The following SLC44A5 variants were observed in gnomAD, a reference collection of about 807,000 sequenced individuals.
SLC44A5 encodes solute carrier family 44 member 5, also known as choline transporter-like protein 5.
Under a neutral mutation model 101.8 loss-of-function variants are expected in SLC44A5, and 57 were observed. The observed-to-expected ratio is 0.56, with a 90% CI of 0.45 to 0.70. SLC44A5 has a LOEUF of 0.70. SLC44A5 is among the 30% of genes least tolerant of loss of function. The pLI, the probability that SLC44A5 is intolerant of heterozygous loss-of-function variation, is 0.00. For missense variants in SLC44A5, 737 were observed against 853.1 expected, an observed-to-expected ratio of 0.86 and a Z score of 1.70; for synonymous variants, 281 against 290.9, an observed-to-expected ratio of 0.97 and a Z score of 0.35.
chr1:75,312,655 A>G (rs146718420), intron 4 of SLC44A5, among the ~76,000 whole-genome samples: 48 of 150,542 alleles, frequency 3.2e-4, no homozygotes, highest in Admixed American at 2.9e-3. Context: ...TTTCTATTCT[A>G]TTATATATTA....
At position 75,343,046 on chromosome 1, in the gene SLC44A5, G is replaced by A. The variant is rs114523151; in HGVS notation, c.53-3416C>T. On this transcript the variant is annotated intron_variant, in intron 3 of 23. Coordinates refer to ENST00000370859, the MANE Select transcript of SLC44A5 (RefSeq NM_001130058.2). ...AGGGGCCCTCACGTACTCTAATTGCGTCTCTGGAATAAATAGACTGAAGGG... is the reference window on the plus strand; with the variant it reads ...AGGGGCCCTCACGTACTCTAATTGCATCTCTGGAATAAATAGACTGAAGGG... Among the ~76,000 whole-genome samples, 282 of 152,112 alleles carry A rather than the reference G, an allele frequency of 1.9e-3. 1 individual carries two copies. Among genetic ancestry groups the A allele is most frequent in the African/African-American group, 6.6e-3 (274 of 41,464 alleles).
At chr1:75,483,948 A>C (rs998487898) in intron 2 of SLC44A5, among the ~76,000 whole-genome samples, 6 of 152,120 alleles carry the variant, frequency 3.9e-5, no homozygotes, top group Admixed American at 2.6e-4. Flanking sequence ...ATCAGCTCTC[A>C]TGAGAACTCA....
intron 6 of SLC44A5, among the ~76,000 whole-genome samples, chr1:75,274,579 A>G (rs1651764472): frequency 6.6e-6 from 1 of 152,162 alleles, no homozygotes; most frequent in African/African-American, 2.4e-5. Flanking sequence ...ACACTGTGAC[A>G]AAAATAATCT....
At chr1:75,330,064 C>T (rs745793765) in intron 4 of SLC44A5, among the ~76,000 whole-genome samples, 6 of 150,808 alleles carry the variant, frequency 4.0e-5, no homozygotes, top group South Asian at 2.1e-4. Flanking sequence ...GTCTTTCCTA[C>T]GCTAGAATAA....
intron 3 of SLC44A5, among the ~76,000 whole-genome samples, chr1:75,391,251 T>C (rs928345126): frequency 2.6e-5 from 4 of 152,282 alleles, no homozygotes; most frequent in Admixed American, 2.6e-4. Flanking sequence ...ATTGGAAGAA[T>C]CAATATTGTT....
At chr1:75,206,969 T>C (rs1646760223) in intron 23 of SLC44A5, among the ~76,000 whole-genome samples, 1 of 152,174 alleles carries the variant, frequency 6.6e-6, no homozygotes, top group African/African-American at 2.4e-5. Context: ...CTTTAAAGGC[T>C]AAGAAGATAT....
chr1:75,213,170 C>T (rs541359524), intron 22 of SLC44A5, among the ~76,000 whole-genome samples: 85 of 152,322 alleles, frequency 5.6e-4, no homozygotes, highest in African/African-American at 2.0e-3. Flanking sequence ...GAGACAGCTT[C>T]CTGACATACC....
intron 1 of SLC44A5, among the ~76,000 whole-genome samples, chr1:75,592,633 G>A (rs1674415988): frequency 6.6e-6 from 1 of 152,074 alleles, no homozygotes; most frequent in Non-Finnish European, 1.5e-5. Context: ...CATGATACTG[G>A]CATAAAAGCA....
chr1:75,581,337 C>T (rs1162414956), intron 1 of SLC44A5, among the ~76,000 whole-genome samples: 1 of 152,058 alleles, frequency 6.6e-6, no homozygotes, highest in African/African-American at 2.4e-5. Flanking sequence ...AAAATTGTTC[C>T]TTGTGAGTCT....
At chr1:75,244,472 C>T (rs1157029312) in intron 7 of SLC44A5, among the ~76,000 whole-genome samples, 1 of 151,938 alleles carries the variant, frequency 6.6e-6, no homozygotes, top group East Asian at 1.9e-4. Context: ...TATTGAACAC[C>T]TATGACACTA....
intron 6 of SLC44A5, among the ~76,000 whole-genome samples, chr1:75,263,563 G>T (rs1286648610): frequency 2.0e-5 from 3 of 152,086 alleles, no homozygotes; most frequent in Non-Finnish European, 4.4e-5. Context: ...CTTGTGGAAG[G>T]CAGTGTGGTG....
At chr1:75,627,997 C>T in the SLC44A5 span, among the ~76,000 whole-genome samples, 2 of 150,800 alleles carry the variant, frequency 1.3e-5, no homozygotes, top group Non-Finnish European at 2.9e-5. Context: ...TAACATAGGT[C>T]TTACAGCTAG....
intron 6 of SLC44A5, among the ~76,000 whole-genome samples, chr1:75,254,108 T>C (rs1262469448): frequency 6.6e-6 from 1 of 151,952 alleles, no homozygotes; most frequent in Non-Finnish European, 1.5e-5. Flanking sequence ...GCGCAATCTC[T>C]GCTCACTGCG....
At chr1:75,311,257 C>T (rs986755986) in intron 4 of SLC44A5, among the ~76,000 whole-genome samples, 1 of 152,102 alleles carries the variant, frequency 6.6e-6, no homozygotes, top group Non-Finnish European at 1.5e-5. Flanking sequence ...GCTGGGATTA[C>T]AGGCACTCAC....
chr1:75,468,393 C>T (rs989602223), intron 2 of SLC44A5, among the ~76,000 whole-genome samples: 7 of 152,218 alleles, frequency 4.6e-5, no homozygotes, highest in East Asian at 1.9e-4. Context: ...GCGCTCTTCA[C>T]GATAGCCAAA....
upstream of SLC44A5, among the ~76,000 whole-genome samples, chr1:75,612,756 C>T (rs1410795823): frequency 6.6e-6 from 1 of 150,916 alleles, no homozygotes; most frequent in Non-Finnish European, 1.5e-5. Context: ...TTAACCTAAA[C>T]ATAAGTTTTA....
intron 2 of SLC44A5, among the ~76,000 whole-genome samples, chr1:75,530,031 C>A (rs1670633866): frequency 6.6e-6 from 1 of 152,106 alleles, no homozygotes; most frequent in Non-Finnish European, 1.5e-5. Context: ...TCATTAAGTA[C>A]TACCTTGATT....
intron 5 of SLC44A5, among the ~76,000 whole-genome samples, chr1:75,290,579 G>A (rs1570588172): frequency 6.6e-6 from 1 of 152,100 alleles, no homozygotes; most frequent in Non-Finnish European, 1.5e-5. Flanking sequence ...CCAAACTGTT[G>A]TGACCCATCA....
chr1:75,409,495 G>C (rs1191380515), intron 2 of SLC44A5, among the ~76,000 whole-genome samples: 4 of 152,138 alleles, frequency 2.6e-5, no homozygotes, highest in African/African-American at 9.7e-5. Context: ...TTAGAACAGA[G>C]TGAGTGTTCA....
Sources: allele counts gnomAD v4.1 joint callset (sites outside exome capture counted in the v4.1 genomes callset), GRCh38; gene constraint gnomAD v4.1.1; transcripts MANE v1.5; gene names NCBI Gene and HGNC (gene_info 2026-07-23, HGNC 2026-07-21).